PIK3R6: variants seen among roughly 807,000 people sequenced by gnomAD.
PIK3R6 encodes phosphoinositide 3-kinase regulatory subunit 6.
Under a neutral mutation model 84.9 loss-of-function variants are expected in PIK3R6, and 91 were observed. That is an observed-to-expected ratio of 1.07 (90% CI 0.90 to 1.28). The LOEUF (loss-of-function observed/expected upper bound fraction) is 1.28, where lower values mean the gene tolerates loss of function less well. Among genes scored for constraint, PIK3R6 ranks in the 50% most tolerant of loss-of-function variants. The pLI is 0.00. For synonymous variants in PIK3R6, 416 were observed against 411.4 expected (o/e 1.01, Z -0.13); for missense variants, 996 against 985.1 (o/e 1.01, Z -0.15).
At chr17:8,812,169 C>G (rs889449515) in intron 18 of PIK3R6, among the ~76,000 whole-genome samples, 4 of 152,156 alleles carry the variant, frequency 2.6e-5, no homozygotes, top group Non-Finnish European at 4.4e-5. Context: ...TTCACTATCA[C>G]AAGAACAGCA....
chr17:8,843,422 A>C (rs1434118290), intron 2 of PIK3R6, among the ~76,000 whole-genome samples: 1 of 152,114 alleles, frequency 6.6e-6, no homozygotes, highest in African/African-American at 2.4e-5. Flanking sequence ...CATCAGAAGC[A>C]CAGCCAAGCC....
intron 1 of PIK3R6, among the ~76,000 whole-genome samples, chr17:8,852,801 T>C (rs2089009001): frequency 6.6e-6 from 1 of 151,912 alleles, no homozygotes; most frequent in Non-Finnish European, 1.5e-5. Context: ...CATCCAGTAT[T>C]GGCAAGGATA....
chr17:8,831,766 CTG>C (rs2088249060), intron 9 of PIK3R6, among the ~76,000 whole-genome samples: 1 of 152,148 alleles, frequency 6.6e-6, no homozygotes, highest in South Asian at 2.1e-4. Flanking sequence ...CTGTGCATAT[CTG>C]GGACATGCAG....
intron 16 of PIK3R6, 41 bp from the exon 17 acceptor site, chr17:8,821,977 C>T: frequency 1.4e-6 from 2 of 1,477,152 alleles, no homozygotes; most frequent in Non-Finnish European, 1.8e-6. Context: ...GTGCTCAGGA[C>T]ATACCCTTTC....
chr17:8,839,384 G>T lies in PIK3R6; in HGVS notation c.97+230C>A, dbSNP rs2088598709. Among the ~76,000 whole-genome samples the T allele has an allele frequency of 6.6e-6, 1 of 152,046 alleles. No homozygotes were observed. The highest frequency in any genetic ancestry group is 2.1e-4 in the South Asian group (1 of 4,816). ...AAAAAAAAAAGGAAAGAAAAAGGGT[G>T]GCAGATCCCCAATGTGCTCTGTGGC... On this transcript the variant is annotated intron_variant, in intron 3 of 19. Coordinates refer to ENST00000619866, the MANE Select transcript of PIK3R6 (RefSeq NM_001010855.4). This position sits in a 1 kb window ranked among gnomAD's most constrained non-coding sequence, Gnocchi z 4.2.
rs556622390 is a variant in PIK3R6 at position 8,839,333 on chromosome 17, G to A, written c.97+281C>T. Among the ~76,000 whole-genome samples, 1 of 151,280 alleles carries A rather than the reference G, an allele frequency of 6.6e-6. No homozygotes were observed. Among genetic ancestry groups the A allele is most frequent in the East Asian group, 1.9e-4 (1 of 5,162 alleles). On this transcript the variant is annotated intron_variant, in intron 3 of 19. Coordinates refer to ENST00000619866, the MANE Select transcript of PIK3R6 (RefSeq NM_001010855.4). The surrounding 1 kb of genome is among the most constrained non-coding windows in gnomAD (Gnocchi z 4.2). ...ACTGCACTGCAGCCTGGGTGACAGA[G>A]TAGGACTCCATCTCAAAAACAAAAG...
chr17:8,804,424 A>G (rs1442348768), intron 18 of PIK3R6, among the ~76,000 whole-genome samples: 1 of 152,168 alleles, frequency 6.6e-6, no homozygotes, highest in Non-Finnish European at 1.5e-5. Flanking sequence ...AGTGCTTGCC[A>G]GGTTGTCAAG....
chr17:8,814,134 C>A (rs2087449611), intron 18 of PIK3R6, among the ~76,000 whole-genome samples: 1 of 151,370 alleles, frequency 6.6e-6, no homozygotes, highest in South Asian at 2.1e-4. Flanking sequence ...ACAGAAAGAA[C>A]CATGGGCTTC....
chr17:8,835,204 T>G, intron 8 of PIK3R6, 69 bp downstream of exon 8: 1 of 1,329,580 alleles, frequency 7.5e-7, no homozygotes, highest in Non-Finnish European at 9.9e-7. Context: ...AAGAGCAGGG[T>G]GAATGACTGG....
intron 1 of PIK3R6, among the ~76,000 whole-genome samples, chr17:8,856,483 T>C (rs2151309327): frequency 6.6e-6 from 1 of 152,224 alleles, no homozygotes; most frequent in Middle Eastern, 3.4e-3. Context: ...GTGCCTGTAA[T>C]CCCAGCTACC....
At chr17:8,819,935 A>ATTTT (rs2087676695) in intron 17 of PIK3R6, among the ~76,000 whole-genome samples, 4 of 116,140 alleles carry the variant, frequency 3.4e-5, no homozygotes, top group South Asian at 2.7e-4. Context: ...ATATATATAT[A>ATTTT]TATTTTTATA....
rs1031781285 is a variant in PIK3R6, at chr17:8,842,485, G to T, written c.14-2788C>A. On this transcript the variant is annotated intron_variant, in intron 2 of 19. Coordinates refer to ENST00000619866, the MANE Select transcript of PIK3R6 (RefSeq NM_001010855.4). The surrounding 1 kb of genome is among the most constrained non-coding windows in gnomAD (Gnocchi z 4.5). ...CAGGGTCTGACAGCTGCTCTCCCAGGTCCCTCTCCATTTCTGTCACACAAG... is the reference window on the plus strand; with the variant it reads ...CAGGGTCTGACAGCTGCTCTCCCAGTTCCCTCTCCATTTCTGTCACACAAG... Among the ~76,000 whole-genome samples the T allele has an allele frequency of 1.9e-4, 29 of 151,942 alleles. No homozygotes were observed. The highest frequency in any genetic ancestry group is 3.1e-4 in the Non-Finnish European group (21 of 68,008).
At chr17:8,836,969 T>G (rs2088491225) in intron 5 of PIK3R6, 46 bp from the exon 6 acceptor site, 20 of 888,534 alleles carry the variant, frequency 2.3e-5, no homozygotes, top group East Asian at 1.1e-4. Flanking sequence ...GAGGTGGAGG[T>G]AAGAGGGAGG....
chr17:8,849,944 G>A (rs2151296324), intron 1 of PIK3R6, 59 bp from the exon 2 acceptor site: 3 of 1,022,178 alleles, frequency 2.9e-6, no homozygotes, highest in East Asian at 5.5e-5. Context: ...AAAGCACCTT[G>A]GGAAATGGAG....
chr17:8,849,703 G>A, intron 2 of PIK3R6, 79 bp downstream of exon 2: 1 of 1,497,636 alleles, frequency 6.7e-7, no homozygotes, highest in Middle Eastern at 1.8e-4. Context: ...GCCAGCCCTA[G>A]AGGCATCCTC....
intron 12 of PIK3R6, among the ~76,000 whole-genome samples, chr17:8,827,766 GAGAGA>G (rs1567583754): frequency 3.0e-4 from 17 of 56,420 alleles, no homozygotes; most frequent in Non-Finnish European, 4.7e-4. Context: ...AGAGAGAGGA[GAGAGA>G]GAGAGAGAGA....
chr17:8,839,544 G>A lies in PIK3R6; in HGVS notation c.97+70C>T. ...TCCAGGCCGGGGCTCTTTCCTGTAT[G>A]CGCGTGTATTGTTGGCTGGGGTTGG... On this transcript the variant is annotated intron_variant, in intron 3 of 19. Coordinates refer to ENST00000619866, the MANE Select transcript of PIK3R6 (RefSeq NM_001010855.4). This position sits in a 1 kb window ranked among gnomAD's most constrained non-coding sequence, Gnocchi z 4.2. The A allele has an allele frequency of 7.8e-7, 1 of 1,277,182 alleles. No individual in the cohort carries two copies. Among genetic ancestry groups the A allele is most frequent in the Non-Finnish European group, 1.1e-6 (1 of 910,290 alleles). The allele number at this position is 1,277,182 out of a possible 1,614,324, so 79.1% of individuals were successfully genotyped here.
At chr17:8,813,827 A>T (rs777151446) in intron 18 of PIK3R6, among the ~76,000 whole-genome samples, 26 of 152,204 alleles carry the variant, frequency 1.7e-4, no homozygotes, top group Non-Finnish European at 3.7e-4. Flanking sequence ...AATTGAAAGC[A>T]TTACCTCTAA....
At chr17:8,816,353 C>G (rs1279635553) in intron 18 of PIK3R6, among the ~76,000 whole-genome samples, 1 of 152,034 alleles carries the variant, frequency 6.6e-6, no homozygotes, top group African/African-American at 2.4e-5. Flanking sequence ...AGAGCATTGT[C>G]CATAGTTTAG....
Sources: allele counts gnomAD v4.1 joint callset (sites outside exome capture counted in the v4.1 genomes callset), GRCh38; gene constraint gnomAD v4.1.1; non-coding constraint Gnocchi (gnomAD v3.1); transcripts MANE v1.5; gene names NCBI Gene and HGNC (gene_info 2026-07-23, HGNC 2026-07-21).